SEZ6: variants seen among roughly 807,000 people sequenced by gnomAD.
The protein encoded by SEZ6 is seizure related 6 homolog, also known as seizure protein 6 homolog.
In SEZ6, 53 loss-of-function variants were observed where a neutral mutation model predicts 101.0. The ratio of observed to expected loss-of-function variants is 0.52; its 90% CI spans 0.42 to 0.66. The LOEUF (loss-of-function observed/expected upper bound fraction) is 0.66. Among genes scored for constraint, SEZ6 ranks in the 30% least tolerant of loss-of-function variants. The pLI is 0.00. For synonymous variants in SEZ6, 488 were observed against 512.2 expected, an observed-to-expected ratio of 0.95 and a Z score of 0.64; for missense variants, 1,102 against 1,289.4, an observed-to-expected ratio of 0.85 and a Z score of 2.23.
At chr17:28,999,387 T>A (rs948871625) in intron 1 of SEZ6, among the ~76,000 whole-genome samples, 2 of 152,144 alleles carry the variant, frequency 1.3e-5, no homozygotes, top group African/African-American at 4.8e-5. Context: ...GAGCCCCTTG[T>A]TCCAGATGGA....
At position 28,954,929 on chromosome 17, in the gene SEZ6, T is replaced by C. The variant is rs1481950113; in HGVS notation, c.*1033A>G. 1 of 147,814 alleles carries C rather than the reference T, an allele frequency of 6.8e-6. No individual in the cohort carries two copies. The highest frequency in any genetic ancestry group is 2.0e-4 in the East Asian group (1 of 5,120). The allele number at this position is 147,814 out of a possible 1,614,324, so 9.2% of individuals were successfully genotyped here. ...CTTTTTTTTTTTTTTTTTTTTTTTT[T>C]TCCAAAAACACCATTTTAATAAGGA... On this transcript the variant is annotated 3_prime_UTR_variant, in exon 17 of 17. Coordinates refer to ENST00000317338, the MANE Select transcript of SEZ6 (RefSeq NM_178860.5).
Position 28,969,900 on chromosome 17 carries a change from C to A in SEZ6, c.911G>T (p.Gly304Val), listed in dbSNP as rs746519494. Residue 304 changes from glycine (G) to valine (V), a missense_variant, in exon 4 of 17, where the codon GGG (glycine) becomes GTG (valine). This residue lies in a region of SEZ6 where 406 missense variants were observed against 418.6 expected (regional missense o/e 0.97). Coordinates refer to ENST00000317338, the MANE Select transcript of SEZ6 (RefSeq NM_178860.5). ...EGETVTVEGL[G>V]GPDPLPLANQ... ...GGCCAGGGGCAGTGGGTCAGGCCCCCCCAGGCCTTCCACAGTCACTGTCTC... is the reference window on the plus strand; with the variant it reads ...GGCCAGGGGCAGTGGGTCAGGCCCCACCAGGCCTTCCACAGTCACTGTCTC... 1.9e-5 allele frequency: 30 copies of A among 1,546,438 alleles called. No homozygotes were observed. The African/African-American group carries it at 2.7e-4, about 14-fold the overall frequency.
intron 4 of SEZ6, among the ~76,000 whole-genome samples, chr17:28,964,386 C>T (rs2041030992): frequency 6.6e-6 from 1 of 152,166 alleles, no homozygotes; most frequent in South Asian, 2.1e-4. Flanking sequence ...TAGGTTCTGG[C>T]TCAAGCTTTA....
chr17:28,966,624 A>G (rs1388514419), intron 4 of SEZ6, among the ~76,000 whole-genome samples: 1 of 152,144 alleles, frequency 6.6e-6, no homozygotes, highest in African/African-American at 2.4e-5. Flanking sequence ...TAGACTGAAG[A>G]TCTTGGGTCT....
At chr17:28,972,428 A>T (rs1266566716) in intron 3 of SEZ6, among the ~76,000 whole-genome samples, 2 of 152,090 alleles carry the variant, frequency 1.3e-5, no homozygotes, top group African/African-American at 4.8e-5. Flanking sequence ...CTGGGTGCTG[A>T]GAAGAGATGT....
intron 15 of SEZ6, 23 bp from the exon 16 acceptor site, chr17:28,956,284 A>G: frequency 6.3e-7 from 1 of 1,594,224 alleles, no homozygotes. Context: ...GAAGCCTGCA[A>G]GTCAGGAGCA....
intron 10 of SEZ6, among the ~76,000 whole-genome samples, 179 bp downstream of exon 10, chr17:28,958,846 T>C (rs754215229): frequency 6.6e-6 from 1 of 151,846 alleles, no homozygotes; most frequent in African/African-American, 2.4e-5. Context: ...CTTGCCACTA[T>C]AGAATTCTGG....
intron 1 of SEZ6, among the ~76,000 whole-genome samples, chr17:28,994,055 C>T (rs1358354152): frequency 6.6e-6 from 1 of 152,210 alleles, no homozygotes; most frequent in Non-Finnish European, 1.5e-5. Context: ...AGCCCAGACC[C>T]CTGGGCTACC....
At chr17:28,958,291 G>GC (rs2040917034) in intron 10 of SEZ6, 150 bp from the exon 11 acceptor site, 5 of 835,914 alleles carry the variant, frequency 6.0e-6, no homozygotes, top group Non-Finnish European at 8.9e-6. Flanking sequence ...CTGCTCAAGG[G>GC]CCCCTCCTTG....
At chr17:28,964,203 G>A (rs1015621536) in intron 4 of SEZ6, 56 bp from the exon 5 acceptor site, 31 of 1,500,094 alleles carry the variant, frequency 2.1e-5, no homozygotes, top group Non-Finnish European at 2.7e-5. Flanking sequence ...GGCGGGAGCT[G>A]GGCCATTGGT....
intron 4 of SEZ6, among the ~76,000 whole-genome samples, chr17:28,965,502 C>T (rs2041050956): frequency 6.6e-6 from 1 of 151,856 alleles, no homozygotes; most frequent in African/African-American, 2.4e-5. Flanking sequence ...AATACCCAGG[C>T]ATGGTGATGT....
intron 1 of SEZ6, among the ~76,000 whole-genome samples, chr17:29,002,075 C>G (rs1312806716): frequency 6.6e-6 from 1 of 151,790 alleles, no homozygotes; most frequent in African/African-American, 2.4e-5. Context: ...CCCTTTTCTG[C>G]ACCCTCTTTC....
Position 28,955,625 on chromosome 17 carries a change from C to T in SEZ6, c.*337G>A, listed in dbSNP as rs748469675. 2 of 556,610 alleles carry T rather than the reference C, an allele frequency of 3.6e-6. No individual in the cohort carries two copies. The highest frequency in any genetic ancestry group is 2.8e-4 in the Middle Eastern group (1 of 3,580). The allele number at this position is 556,610 out of a possible 1,614,324, so 34.5% of individuals were successfully genotyped here. A position where few individuals can be genotyped will look rare whatever the true frequency, so the allele number is the denominator to read the frequency against. On this transcript the variant is annotated 3_prime_UTR_variant, in exon 17 of 17. Coordinates refer to ENST00000317338, the MANE Select transcript of SEZ6 (RefSeq NM_178860.5). ...TGGTGGTCATGTGGAGAAAGGTACT[C>T]CTGCTCTGCTAGTGTGTTCCAGGCT...
chr17:28,981,514 G>A lies in SEZ6; in HGVS notation c.581C>T (p.Pro194Leu), dbSNP rs758671486. The A allele has an allele frequency of 2.4e-5, 39 of 1,610,354 alleles. No homozygotes were observed. The African/African-American group carries it at 3.5e-4, about 14-fold the overall frequency. Residue 194 changes from proline to leucine, a missense_variant, in exon 2 of 17, where the codon CCG (proline) becomes CTG (leucine). Physicochemically the swap from Pro to Leu is moderately conservative, Grantham distance 98 (BLOSUM62 -3). This residue lies in a region of SEZ6 where 406 missense variants were observed against 418.6 expected (regional missense o/e 0.97). Transcript: ENST00000317338. The stretch of plus-strand genomic sequence containing the variant: ...CTGGGACACAACCTCTGCAACCCAC[G>A]GCCTTCCCATGTCTCCAGGACCCTC... Reference protein sequence around the residue: ...TQEGPGDMGRPWVAEVVSQGA... With the variant: ...TQEGPGDMGRLWVAEVVSQGA...
At chr17:28,980,207 CTTTTTTTT>C (rs3052135) in intron 2 of SEZ6, among the ~76,000 whole-genome samples, 1 of 132,934 alleles carries the variant, frequency 7.5e-6, no homozygotes, top group African/African-American at 2.8e-5. Context: ...TGTTTTCTTT[CTTTTTTTT>C]TTTTTTTTTG....
chr17:28,992,059 C>A (rs1268049343), intron 1 of SEZ6, among the ~76,000 whole-genome samples: 5 of 152,202 alleles, frequency 3.3e-5, no homozygotes, highest in Non-Finnish European at 7.3e-5. Flanking sequence ...TGGCTACTAC[C>A]CCAGAGCAGC....
intron 5 of SEZ6, among the ~76,000 whole-genome samples, chr17:28,963,285 A>G (rs2041015014): frequency 6.6e-6 from 1 of 152,136 alleles, no homozygotes; most frequent in African/African-American, 2.4e-5. Context: ...AGTTCCCATC[A>G]GTTTCTGGAA....
intron 1 of SEZ6, among the ~76,000 whole-genome samples, chr17:28,996,754 C>T (rs1282400411): frequency 6.6e-6 from 1 of 152,166 alleles, no homozygotes; most frequent in African/African-American, 2.4e-5. Flanking sequence ...ACTGGGGCTT[C>T]CTCTCCCCAG....
Position 28,957,076 on chromosome 17 carries a change from A to G in SEZ6, c.2661T>C (p.His887=), listed in dbSNP as rs776985537. The change falls in exon 13 of 17, where the codon CAT becomes CAC. Residue 887 remains histidine, a synonymous_variant. Coordinates refer to ENST00000317338, the MANE Select transcript of SEZ6 (RefSeq NM_178860.5). ...TACAGATGGGTGGGGGGTCACTCCA[A>G]TGCGAGGGGTGCCCAGGCACACACT... The part of the protein sequence containing the change: ...SIKCVPGHPS[H]WSDPPPICRA... 7.7e-5 allele frequency: 124 copies of G among 1,606,778 alleles called. No homozygotes were observed. In the Admixed American group the frequency reaches 2.0e-3, roughly 26 times the overall value.
Sources: gnomAD v4.1 joint callset for allele counts (sites outside exome capture counted in the v4.1 genomes callset) on GRCh38, gnomAD v4.1.1 for gene constraint, gnomAD v4.1.1 regional missense constraint, MANE v1.5 for transcripts, NCBI Gene and HGNC (gene_info 2026-07-23, HGNC 2026-07-21) for gene names.